ITGA11: variants seen among roughly 807,000 people sequenced by gnomAD.
The protein encoded by ITGA11 is integrin subunit alpha 11.
A neutral mutation model predicts 141.9 loss-of-function variants in ITGA11; 97 were observed. The ratio of observed to expected loss-of-function variants is 0.68; its 90% CI spans 0.58 to 0.81. ITGA11 has a LOEUF of 0.81. ITGA11 is among the 30% of genes least tolerant of loss of function. ITGA11 has a pLI of 0.00. For missense variants in ITGA11, 1,387 were observed against 1,559.2 expected (o/e 0.89, Z 1.86); for synonymous variants, 658 against 624.6 (o/e 1.05, Z -0.80).
At chr15:68,398,732 A>G (rs1326777000) in intron 2 of ITGA11, among the ~76,000 whole-genome samples, 4 of 147,886 alleles carry the variant, frequency 2.7e-5, no homozygotes, top group African/African-American at 9.8e-5. Flanking sequence ...TTATGATATA[A>G]TTTATATTAA....
chr15:68,297,495 T>C lies in ITGA11; in HGVS notation c.*5564A>G, dbSNP rs1257434599. ...TGTCTGGTTAGGTAAATCATACACC[T>C]GTATCCAGAGTTTTGTTTTGTTTTT... On this transcript the variant is annotated 3_prime_UTR_variant, in exon 30 of 30. Coordinates refer to ENST00000315757, the MANE Select transcript of ITGA11 (RefSeq NM_001004439.2). The C allele has an allele frequency of 6.9e-6, 1 of 145,382 alleles. No individual in the cohort carries two copies. Among genetic ancestry groups the C allele is most frequent in the Non-Finnish European group, 1.5e-5 (1 of 66,516 alleles). The allele number at this position is 145,382 out of a possible 1,614,324, so 9.0% of individuals were successfully genotyped here. A position where few individuals can be genotyped will look rare whatever the true frequency, so the allele number is the denominator to read the frequency against.
Position 68,299,315 on chromosome 15 carries a change from T to C in ITGA11, c.*3744A>G, listed in dbSNP as rs1178448777. On this transcript the variant is annotated 3_prime_UTR_variant, in exon 30 of 30. Transcript: ENST00000315757. ...ATGTTGAAACTAATAGAATAGACAG[T>C]GACACAAAAGCACTGTGCAGATTTT... The C allele has an allele frequency of 6.6e-6, 1 of 152,134 alleles. No homozygotes were observed. Among genetic ancestry groups the C allele is most frequent in the Admixed American group, 6.5e-5 (1 of 15,272 alleles). The allele number at this position is 152,134 out of a possible 1,614,324, so 9.4% of individuals were successfully genotyped here.
intron 1 of ITGA11, among the ~76,000 whole-genome samples, chr15:68,408,137 C>T (rs1303331879): frequency 1.1e-4 from 16 of 152,180 alleles, no homozygotes; most frequent in Non-Finnish European, 1.9e-4. Flanking sequence ...ATGCACGTTG[C>T]TTCCTCTGCC....
At chr15:68,365,153 G>A in intron 3 of ITGA11, 1 of 985,434 alleles carries the variant, frequency 1.0e-6, no homozygotes, top group Non-Finnish European at 1.2e-6. Context: ...CACCTGGGCT[G>A]GCTTCCTTTG....
At chr15:68,365,298 T>C (rs1895383885) in intron 3 of ITGA11, 1 of 985,398 alleles carries the variant, frequency 1.0e-6, no homozygotes, top group Non-Finnish European at 1.2e-6. Flanking sequence ...TTTCCTCTCA[T>C]GGGTAACAGA....
chr15:68,416,600 C>T (rs1896891649), intron 1 of ITGA11, among the ~76,000 whole-genome samples: 1 of 152,184 alleles, frequency 6.6e-6, no homozygotes, highest in South Asian at 2.1e-4. Context: ...CATCTCATGC[C>T]TTCAGAGAAT....
Position 68,321,743 on chromosome 15 carries a change from C to T in ITGA11, c.2323-240G>A, listed in dbSNP as rs1268786947. Among the ~76,000 whole-genome samples the T allele has an allele frequency of 1.3e-5, 2 of 152,162 alleles. No individual in the cohort carries two copies. The highest frequency in any genetic ancestry group is 3.9e-4 in the East Asian group (2 of 5,194). On this transcript the variant is annotated intron_variant, in intron 18 of 29. Transcript: ENST00000315757. The surrounding 1 kb of genome is among the most constrained non-coding windows in gnomAD (Gnocchi z 4.9). ...CATAACTGAGCTGATGGCACAGAAC[C>T]CCCACCCCCACTCACCCAGCAGAGC... is the stretch of plus-strand genomic sequence containing the variant.
chr15:68,411,025 C>T (rs1414290740), intron 1 of ITGA11, among the ~76,000 whole-genome samples: 1 of 152,202 alleles, frequency 6.6e-6, no homozygotes, highest in Non-Finnish European at 1.5e-5. Flanking sequence ...TGGGCAGCTG[C>T]GTGGCCAACA....
At chr15:68,385,597 A>G (rs1415776767) in intron 2 of ITGA11, among the ~76,000 whole-genome samples, 1 of 152,252 alleles carries the variant, frequency 6.6e-6, no homozygotes, top group Non-Finnish European at 1.5e-5. Context: ...CCTTAGCCCA[A>G]CTAGAATTTA....
intron 9 of ITGA11, among the ~76,000 whole-genome samples, chr15:68,349,347 C>T (rs114229869): frequency 1.7e-3 from 266 of 152,320 alleles, no homozygotes; most frequent in African/African-American, 5.4e-3. Flanking sequence ...AACATCAAAT[C>T]CACCCTCAGA....
At chr15:68,410,632 G>A (rs114656547) in intron 1 of ITGA11, among the ~76,000 whole-genome samples, 1,794 of 152,316 alleles carry the variant, frequency 0.012, 46 homozygotes, top group African/African-American at 0.04. Flanking sequence ...TGGCGAGCAG[G>A]GAACATGTGA....
intron 1 of ITGA11, among the ~76,000 whole-genome samples, chr15:68,409,065 T>C (rs1296416977): frequency 6.6e-6 from 1 of 152,236 alleles, no homozygotes; most frequent in Non-Finnish European, 1.5e-5. Flanking sequence ...TTGGTTGAAT[T>C]GAACTGGATC....
intron 1 of ITGA11, among the ~76,000 whole-genome samples, chr15:68,403,242 C>T (rs1896555334): frequency 6.6e-6 from 1 of 152,136 alleles, no homozygotes; most frequent in Non-Finnish European, 1.5e-5. Context: ...GAGATTCCAC[C>T]CCCGTCCTGG....
At chr15:68,361,761 T>A in intron 4 of ITGA11, 57 bp from the exon 5 acceptor site, 1 of 1,237,460 alleles carries the variant, frequency 8.1e-7, no homozygotes, top group Non-Finnish European at 1.2e-6. Context: ...AGGATCGAGG[T>A]CCAATGGCCT....
At chr15:68,353,145 C>T (rs1894967247) in intron 7 of ITGA11, among the ~76,000 whole-genome samples, 1 of 152,228 alleles carries the variant, frequency 6.6e-6, no homozygotes, top group Non-Finnish European at 1.5e-5. Context: ...TCTTACGCAG[C>T]ACGCTGAGGA....
intron 2 of ITGA11, among the ~76,000 whole-genome samples, chr15:68,378,734 A>G (rs1307331541): frequency 6.6e-6 from 1 of 152,244 alleles, no homozygotes; most frequent in African/African-American, 2.4e-5. Flanking sequence ...ATGGGTAGTC[A>G]TGAAGTCGGT....
intron 7 of ITGA11, among the ~76,000 whole-genome samples, chr15:68,353,889 C>T (rs138782900): frequency 2.6e-3 from 396 of 152,196 alleles, no homozygotes; most frequent in African/African-American, 9.1e-3. Flanking sequence ...CTCTCTTAGC[C>T]TCTGGTCCTG....
chr15:68,369,077 G>T, intron 3 of ITGA11, 107 bp downstream of exon 3: 1 of 781,908 alleles, frequency 1.3e-6, no homozygotes, highest in Non-Finnish European at 2.2e-6. Flanking sequence ...ATCTCATGGA[G>T]TAGCAGGAAG....
At chr15:68,348,212 C>T (rs1029772250) in intron 10 of ITGA11, among the ~76,000 whole-genome samples, 2 of 152,196 alleles carry the variant, frequency 1.3e-5, no homozygotes, top group Admixed American at 1.3e-4. Context: ...TTGCTTGTGA[C>T]ACCACACCCC....
Sources: gnomAD v4.1 joint callset for allele counts (sites outside exome capture counted in the v4.1 genomes callset) on GRCh38, gnomAD v4.1.1 for gene constraint, Gnocchi (gnomAD v3.1) non-coding constraint, MANE v1.5 for transcripts, NCBI Gene and HGNC (gene_info 2026-07-23, HGNC 2026-07-21) for gene names.